Variants in TMEM163 observed in about 807,000 individuals in gnomAD.
The protein encoded by TMEM163 is transmembrane protein 163.
In TMEM163, 17 loss-of-function variants were observed where a neutral mutation model predicts 29.3. The observed-to-expected ratio is 0.58, with a 90% CI of 0.40 to 0.87. The LOEUF (loss-of-function observed/expected upper bound fraction) is 0.87. Among genes scored for constraint, TMEM163 ranks in the 40% least tolerant of loss-of-function variants. The pLI, the probability that TMEM163 is intolerant of heterozygous loss-of-function variation, is 0.00. For synonymous variants in TMEM163, 157 were observed against 160.6 expected, an observed-to-expected ratio of 0.98 and a Z score of 0.17; for missense variants, 303 against 381.5, an observed-to-expected ratio of 0.79 and a Z score of 1.71.
At chr2:134,470,812 C>T (rs563865482) in intron 5 of TMEM163, among the ~76,000 whole-genome samples, 5 of 152,334 alleles carry the variant, frequency 3.3e-5, no homozygotes, top group South Asian at 4.1e-4. Flanking sequence ...TCTCTCCACA[C>T]GGCTGCCATG....
chr2:134,493,281 G>A (rs72483789), intron 5 of TMEM163, among the ~76,000 whole-genome samples: 20,189 of 149,156 alleles, frequency 0.14, 1,699 homozygotes, highest in Middle Eastern at 0.3. Context: ...CATTTTCTTA[G>A]TGGTGTCTTG....
rs957843339 is a variant in TMEM163, at chr2:134,505,789, A to G, written c.459-2792T>C. Reference sequence around the variant, plus strand: ...AAAGGCGGATATGGATTCTGTTTACATTTACCTAAGGAGATGAGTGTGAAG... The same window carrying G: ...AAAGGCGGATATGGATTCTGTTTACGTTTACCTAAGGAGATGAGTGTGAAG... On this transcript the variant is annotated intron_variant, in intron 4 of 7. Transcript: ENST00000281924. 2.0e-5 allele frequency among the ~76,000 whole-genome samples: 3 copies of G among 152,200 alleles called. No individual in the cohort carries two copies. The East Asian group carries it at 5.8e-4, about 29-fold the overall frequency.
rs143647427 is a variant in TMEM163 at position 134,585,674 on chromosome 2, G to A, written c.323-33583C>T. Among the ~76,000 whole-genome samples, 320 of 151,862 alleles carry A rather than the reference G, an allele frequency of 2.1e-3. 5 individuals carry two copies. In the East Asian group the frequency reaches 0.041, roughly 19 times the overall value. On this transcript the variant is annotated intron_variant, in intron 2 of 7. Transcript: ENST00000281924. ...GGAGGATGGCGTGAACCCGGGAGGCGGAGCTTGCAGTGAGTCTAGATCGCG... is the reference window on the plus strand; with the variant it reads ...GGAGGATGGCGTGAACCCGGGAGGCAGAGCTTGCAGTGAGTCTAGATCGCG...
chr2:134,711,230 T>A (rs898421487), intron 2 of TMEM163, among the ~76,000 whole-genome samples: 3 of 152,198 alleles, frequency 2.0e-5, no homozygotes, highest in South Asian at 2.1e-4. Flanking sequence ...TAGAAATACA[T>A]TTAGGAAACT....
At chr2:134,718,401 C>G (rs1003594550) in intron 1 of TMEM163, among the ~76,000 whole-genome samples, 2 of 152,218 alleles carry the variant, frequency 1.3e-5, no homozygotes, top group African/African-American at 4.8e-5. Context: ...CAGAAGCGCT[C>G]GACTCCGAAC....
At chr2:134,585,719 G>A (rs564900601) in intron 2 of TMEM163, among the ~76,000 whole-genome samples, 4 of 146,264 alleles carry the variant, frequency 2.7e-5, no homozygotes, top group East Asian at 4.2e-4. Context: ...TCCAGCCTGG[G>A]CGACAGAGCG....
intron 2 of TMEM163, among the ~76,000 whole-genome samples, chr2:134,710,770 C>T (rs965607714): frequency 5.9e-5 from 9 of 152,022 alleles, no homozygotes; most frequent in African/African-American, 2.2e-4. Flanking sequence ...AAGCCATGTC[C>T]ATAAATACAG....
chr2:134,647,121 T>C (rs913902572), intron 2 of TMEM163, among the ~76,000 whole-genome samples: 5 of 152,214 alleles, frequency 3.3e-5, no homozygotes, highest in African/African-American at 1.2e-4. Flanking sequence ...AATCTCTGCA[T>C]GCCTCAGTTT....
chr2:134,532,419 T>C (rs1227324545), intron 4 of TMEM163, among the ~76,000 whole-genome samples: 6 of 152,280 alleles, frequency 3.9e-5, no homozygotes, highest in African/African-American at 1.2e-4. Context: ...TGCGGAAAAA[T>C]TACTCTGGAA....
intron 2 of TMEM163, among the ~76,000 whole-genome samples, chr2:134,558,217 G>A (rs1404712834): frequency 6.6e-6 from 1 of 152,100 alleles, no homozygotes; most frequent in Admixed American, 6.6e-5. Context: ...TTTGTTAATG[G>A]CCCAAAAAGT....
At chr2:134,558,671 G>C (rs879393533) in intron 2 of TMEM163, among the ~76,000 whole-genome samples, 1 of 152,228 alleles carries the variant, frequency 6.6e-6, no homozygotes, top group Non-Finnish European at 1.5e-5. Flanking sequence ...CAAGGCAACA[G>C]AGGATCAGTG....
chr2:134,611,466 T>A (rs1021825507), intron 2 of TMEM163, among the ~76,000 whole-genome samples: 1 of 152,046 alleles, frequency 6.6e-6, no homozygotes, highest in Non-Finnish European at 1.5e-5. Flanking sequence ...ACTTAAAGAG[T>A]GTCATATTTA....
chr2:134,649,559 G>A (rs1158383564), intron 2 of TMEM163, among the ~76,000 whole-genome samples: 1 of 152,134 alleles, frequency 6.6e-6, no homozygotes, highest in East Asian at 1.9e-4. Context: ...TAATAAGACA[G>A]AGACATAGAT....
At chr2:134,550,309 A>C (rs1558942006) in intron 4 of TMEM163, among the ~76,000 whole-genome samples, 1 of 152,236 alleles carries the variant, frequency 6.6e-6, no homozygotes, top group African/African-American at 2.4e-5. Context: ...TGGATGGATG[A>C]GCGGATGGAT....
chr2:134,626,540 G>A (rs1024398809), intron 2 of TMEM163, among the ~76,000 whole-genome samples: 15 of 152,198 alleles, frequency 9.9e-5, no homozygotes, highest in Admixed American at 7.2e-4. Context: ...TTGTGGTTGC[G>A]TTGGGCCCAT....
At chr2:134,718,638 A>C in intron 1 of TMEM163, 96 bp downstream of exon 1, 1 of 960,468 alleles carries the variant, frequency 1.0e-6, no homozygotes. Context: ...GCGCGCTCCG[A>C]GCCCCGCGCC....
At chr2:134,457,698 G>A (rs1686430747) in intron 7 of TMEM163, among the ~76,000 whole-genome samples, 1 of 152,228 alleles carries the variant, frequency 6.6e-6, no homozygotes, top group Admixed American at 6.5e-5. Flanking sequence ...ACCACGCAAA[G>A]GTGCTTCCCT....
At chr2:134,598,933 AAAG>A (rs1350860956) in intron 2 of TMEM163, among the ~76,000 whole-genome samples, 2 of 61,610 alleles carry the variant, frequency 3.2e-5, no homozygotes, top group Admixed American at 1.5e-4. Context: ...AAAAAAAAAA[AAAG>A]AAAGAAAGAA....
chr2:134,716,328 T>C (rs1685036645), intron 1 of TMEM163, among the ~76,000 whole-genome samples: 2 of 152,230 alleles, frequency 1.3e-5, no homozygotes, highest in Admixed American at 1.3e-4. Flanking sequence ...CAGATGGCAC[T>C]GCAGTTACTG....
Sources: allele counts gnomAD v4.1 joint callset (sites outside exome capture counted in the v4.1 genomes callset), GRCh38; gene constraint gnomAD v4.1.1; transcripts MANE v1.5; gene names NCBI Gene and HGNC (gene_info 2026-07-23, HGNC 2026-07-21).